C2CD3: variants seen among roughly 807,000 people sequenced by gnomAD.
The protein encoded by C2CD3 is C2 domain containing 3 centriole elongation regulator.
Under a neutral mutation model 234.0 loss-of-function variants are expected in C2CD3, and 148 were observed. The observed-to-expected ratio is 0.63, with a 90% confidence interval of 0.55 to 0.72. The LOEUF (loss-of-function observed/expected upper bound fraction) is 0.72, where lower values mean the gene tolerates loss of function less well. Ranked by LOEUF, C2CD3 falls within the 30% of genes least tolerant of loss-of-function variation. The pLI, the probability that C2CD3 is intolerant of heterozygous loss-of-function variation, is 0.00. For missense variants in C2CD3, 2,577 were observed against 2,811.5 expected (o/e 0.92, Z 1.89); for synonymous variants, 1,000 against 1,035.4 (o/e 0.97, Z 0.66).
In C2CD3 at chr11:74,037,656, G is replaced by A. The variant is rs1427150782; in HGVS notation, c.5703C>T (p.Arg1901=). 8 of 1,614,052 alleles carry A rather than the reference G, an allele frequency of 5.0e-6. No homozygotes were observed. Among genetic ancestry groups the A allele is most frequent in the Non-Finnish European group, 6.8e-6 (8 of 1,179,988 alleles). The part of the protein sequence containing the change: ...SELDQIQRYF[R]QKLTKPFLPL... The stretch of plus-strand genomic sequence containing the variant: ...GTAGGAAAGGCTTGGTGAGCTTCTG[G>A]CGGAAGTACCTCTGAATCTGATCAA... The change falls in exon 30 of 33, where the codon CGC becomes CGT. Residue 1901 remains arginine (R), a synonymous_variant. Coordinates refer to ENST00000334126, the MANE Select transcript of C2CD3 (RefSeq NM_001286577.2).
chr11:74,069,378 C>G (rs565837399), intron 24 of C2CD3, among the ~76,000 whole-genome samples: 2 of 152,228 alleles, frequency 1.3e-5, no homozygotes, highest in Non-Finnish European at 2.9e-5. Flanking sequence ...CTATACCCCC[C>G]ACAGGGTTGG....
intron 30 of C2CD3, 128 bp downstream of exon 30, chr11:74,037,350 A>G (rs79440558): frequency 1.3e-6 from 1 of 759,030 alleles, no homozygotes; most frequent in Non-Finnish European, 2.2e-6. Context: ...AAAAAAAAAA[A>G]AGGAAGAGGG....
intron 32 of C2CD3, among the ~76,000 whole-genome samples, chr11:74,018,174 CG>C (rs201624025): frequency 0.027 from 4,059 of 152,158 alleles, 183 homozygotes; most frequent in African/African-American, 0.093. Flanking sequence ...CAGATATGGC[CG>C]AGGTTCTGAC....
intron 11 of C2CD3, among the ~76,000 whole-genome samples, chr11:74,113,020 A>C (rs1486874897): frequency 6.6e-6 from 1 of 152,256 alleles, no homozygotes; most frequent in Non-Finnish European, 1.5e-5. Context: ...AGCATTATGC[A>C]AAATTGCCAG....
chr11:74,086,290 GT>G (rs1955638649), intron 20 of C2CD3, among the ~76,000 whole-genome samples: 1 of 152,230 alleles, frequency 6.6e-6, no homozygotes, highest in Admixed American at 6.5e-5. Context: ...TTGGACTTGT[GT>G]TAGCTGACTT....
At chr11:74,088,478 T>C (rs1284468003) in intron 20 of C2CD3, among the ~76,000 whole-genome samples, 2 of 152,220 alleles carry the variant, frequency 1.3e-5, no homozygotes, top group Non-Finnish European at 2.9e-5. Context: ...GTGTCAGAAC[T>C]GGCCTGGCTT....
chr11:74,130,284 G>C (rs1319739131), intron 7 of C2CD3, among the ~76,000 whole-genome samples: 1 of 151,480 alleles, frequency 6.6e-6, no homozygotes, highest in Non-Finnish European at 1.5e-5. Context: ...GGAATACGGT[G>C]GTGTAATCCT....
At chr11:74,016,545 G>A (rs1265596430) in intron 32 of C2CD3, 1 of 152,370 alleles carries the variant, frequency 6.6e-6, no homozygotes, top group African/African-American at 2.4e-5. Flanking sequence ...ACAAGGACAG[G>A]GCTTGGCTCT....
chr11:74,036,316 A>G (rs1952740281), intron 30 of C2CD3: 2 of 378,400 alleles, frequency 5.3e-6, no homozygotes, highest in South Asian at 3.9e-5. Context: ...AAGCTTGATG[A>G]AGGGAGATAA....
intron 24 of C2CD3, among the ~76,000 whole-genome samples, chr11:74,071,919 T>C (rs1456761143): frequency 1.3e-5 from 2 of 152,202 alleles, no homozygotes; most frequent in Admixed American, 1.3e-4. Context: ...ATTGAAAATT[T>C]GTAAGTATAT....
intron 28 of C2CD3, among the ~76,000 whole-genome samples, chr11:74,047,611 C>A (rs1215347488): frequency 6.6e-6 from 1 of 152,178 alleles, no homozygotes; most frequent in African/African-American, 2.4e-5. Flanking sequence ...AGTAACTGCT[C>A]TTGTAGGAAG....
intron 7 of C2CD3, among the ~76,000 whole-genome samples, chr11:74,125,946 C>T (rs867179323): frequency 1.3e-5 from 2 of 152,088 alleles, no homozygotes; most frequent in Admixed American, 6.5e-5. Flanking sequence ...GACATATACC[C>T]GAAATCTCCT....
chr11:74,049,911 G>T, intron 26 of C2CD3, among the ~76,000 whole-genome samples: 1 of 138,242 alleles, frequency 7.2e-6, no homozygotes, highest in East Asian at 1.9e-4. Context: ...CTCCCAAGTA[G>T]CTAGGACTAT....
intron 12 of C2CD3, 150 bp from the exon 13 acceptor site, chr11:74,106,643 G>C (rs1376418371): frequency 2.9e-6 from 2 of 690,420 alleles, no homozygotes; most frequent in Admixed American, 6.4e-5. Flanking sequence ...ATCCCACTTT[G>C]TCATATTTTG....
chr11:74,114,207 G>A (rs923515025), intron 10 of C2CD3, among the ~76,000 whole-genome samples, 177 bp downstream of exon 10: 1 of 151,834 alleles, frequency 6.6e-6, no homozygotes, highest in African/African-American at 2.4e-5. Context: ...ATTTTCTTTA[G>A]TCCCATACTT....
At chr11:74,058,928 C>T (rs1484593050) in intron 24 of C2CD3, among the ~76,000 whole-genome samples, 1 of 152,134 alleles carries the variant, frequency 6.6e-6, no homozygotes, top group Non-Finnish European at 1.5e-5. Flanking sequence ...GGCTACCATA[C>T]TGGACACTGA....
In C2CD3 at chr11:74,074,694, C is replaced by T. The variant is rs143683001; in HGVS notation, c.4604-94G>A. On this transcript the variant is annotated intron_variant, in intron 23 of 32. Coordinates refer to ENST00000334126, the MANE Select transcript of C2CD3 (RefSeq NM_001286577.2). ...ACTGAGGGTGCTGTGGTCCTTTCTC[C>T]TTTGAAAGGTCTACAAACCCCAATA... 8.0e-5 allele frequency: 80 copies of T among 999,578 alleles called. No homozygotes were observed. In the East Asian group the frequency reaches 2.0e-3, roughly 25 times the overall value. 61.9% of individuals were successfully genotyped at this position (999,578 alleles called of 1,614,324 possible). A position where few individuals can be genotyped will look rare whatever the true frequency, so the allele number is the denominator to read the frequency against.
intron 4 of C2CD3, 116 bp from the exon 5 acceptor site, chr11:74,139,083 A>G: frequency 1.3e-6 from 1 of 754,140 alleles, no homozygotes; most frequent in Non-Finnish European, 2.1e-6. Flanking sequence ...GGACCTCAAA[A>G]AGCGTGACTT....
chr11:74,136,831 G>A (rs1030183511), intron 5 of C2CD3, among the ~76,000 whole-genome samples: 2 of 151,964 alleles, frequency 1.3e-5, no homozygotes, highest in African/African-American at 4.8e-5. Flanking sequence ...GATAGCATTA[G>A]GAGAAATACC....
Sources: gnomAD v4.1 joint callset for allele counts (sites outside exome capture counted in the v4.1 genomes callset) on GRCh38, gnomAD v4.1.1 for gene constraint, MANE v1.5 for transcripts, NCBI Gene and HGNC (gene_info 2026-07-23, HGNC 2026-07-21) for gene names.